FAM204A: variants seen among roughly 807,000 people sequenced by gnomAD.
FAM204A encodes the protein family with sequence similarity 204 member A, also known as protein FAM204A.
In FAM204A, 16 loss-of-function variants were observed where a neutral mutation model predicts 35.4. The ratio of observed to expected loss-of-function variants is 0.45; its 90% CI spans 0.31 to 0.69. The LOEUF is 0.69. Ranked by LOEUF, FAM204A falls within the 30% of genes least tolerant of loss-of-function variation. The pLI is 0.07. For synonymous variants in FAM204A, 76 were observed against 86.9 expected (o/e 0.88, Z 0.70); for missense variants, 240 against 265.7 (o/e 0.90, Z 0.67).
intron 1 of FAM204A, 147 bp from the exon 2 acceptor site, chr10:118,342,074 G>A (rs1369864249): frequency 6.6e-6 from 1 of 152,388 alleles, no homozygotes; most frequent in Non-Finnish European, 1.5e-5. Context: ...CCCTTTCGAG[G>A]AAGGCTGAGG....
intron 6 of FAM204A, among the ~76,000 whole-genome samples, chr10:118,326,789 C>A (rs1419716884): frequency 6.6e-6 from 1 of 152,122 alleles, no homozygotes; most frequent in African/African-American, 2.4e-5. Context: ...TTCTTACTGC[C>A]CATTCCTATA....
chr10:118,299,212 C>G lies in FAM204A; in HGVS notation c.*11645G>C, dbSNP rs1180892209. 6.6e-6 allele frequency: 1 copy of G among 152,102 alleles called. No individual in the cohort carries two copies. The highest frequency in any genetic ancestry group is 2.4e-5 in the African/African-American group (1 of 41,402). The allele number at this position is 152,102 out of a possible 1,614,324, so 9.4% of individuals were successfully genotyped here. A position where few individuals can be genotyped will look rare whatever the true frequency, so the allele number is the denominator to read the frequency against. On this transcript the variant is annotated 3_prime_UTR_variant, in exon 9 of 9. Transcript: ENST00000369183. ...TCAGAAAATCTATGGCTGAACTTTTCAGGTTCTTCCTTTGGGCAGTACTGC... is the reference window on the plus strand; with the variant it reads ...TCAGAAAATCTATGGCTGAACTTTTGAGGTTCTTCCTTTGGGCAGTACTGC...
In FAM204A at chr10:118,300,061, G is replaced by A. The variant is rs1346204666; in HGVS notation, c.*10796C>T. On this transcript the variant is annotated 3_prime_UTR_variant, in exon 9 of 9. Transcript: ENST00000369183. ...CAGCTTGCTGATTTGGGGGAGATGA[G>A]TGGGATGTGATTTCTTGGCCATCTT... The A allele has an allele frequency of 6.6e-6, 1 of 152,244 alleles. No individual in the cohort carries two copies. The highest frequency in any genetic ancestry group is 2.4e-5 in the African/African-American group (1 of 41,454). 9.4% of individuals were successfully genotyped at this position (152,244 alleles called of 1,614,324 possible). A position where few individuals can be genotyped will look rare whatever the true frequency, so the allele number is the denominator to read the frequency against.
chr10:118,314,642 C>A (rs966344649), intron 7 of FAM204A, among the ~76,000 whole-genome samples: 1 of 152,106 alleles, frequency 6.6e-6, no homozygotes, highest in Non-Finnish European at 1.5e-5. Context: ...CATCTTCATG[C>A]TCAATGTAAA....
chr10:118,302,135 A>G lies in FAM204A; in HGVS notation c.*8722T>C, dbSNP rs1248509700. 6.6e-6 allele frequency: 1 copy of G among 152,230 alleles called. No individual in the cohort carries two copies. Among genetic ancestry groups the G allele is most frequent in the East Asian group, 1.9e-4 (1 of 5,190 alleles). The allele number at this position is 152,230 out of a possible 1,614,324, so 9.4% of individuals were successfully genotyped here. On this transcript the variant is annotated 3_prime_UTR_variant, in exon 9 of 9. Coordinates refer to ENST00000369183, the MANE Select transcript of FAM204A (RefSeq NM_022063.3). ...GTCTGCTTATTATGTCTTTCCCTCT[A>G]GGATATGAGCCCCATGAAGATCCAG... is the stretch of plus-strand genomic sequence containing the variant.
intron 2 of FAM204A, among the ~76,000 whole-genome samples, chr10:118,337,977 G>A (rs1846415064): frequency 6.6e-6 from 1 of 152,098 alleles, no homozygotes; most frequent in Non-Finnish European, 1.5e-5. Context: ...TTGCTTCCTT[G>A]ATAGTCACAA....
intron 6 of FAM204A, among the ~76,000 whole-genome samples, chr10:118,331,135 C>T (rs992926817): frequency 6.6e-6 from 1 of 152,154 alleles, no homozygotes; most frequent in Non-Finnish European, 1.5e-5. Context: ...GACCCAAGTA[C>T]AAGACCCAAG....
intron 7 of FAM204A, among the ~76,000 whole-genome samples, chr10:118,318,533 A>C (rs1799624973): frequency 6.6e-6 from 1 of 152,072 alleles, no homozygotes; most frequent in Non-Finnish European, 1.5e-5. Context: ...TTAAGACAAC[A>C]GAAAAGATCT....
intron 6 of FAM204A, 194 bp from the exon 7 acceptor site, chr10:118,326,437 T>C (rs1846198623): frequency 1.9e-6 from 1 of 533,718 alleles, no homozygotes; most frequent in Non-Finnish European, 3.3e-6. Context: ...CCTGAGGTCA[T>C]GTAACTTCTT....
chr10:118,313,178 C>A (rs1266745675), intron 7 of FAM204A, among the ~76,000 whole-genome samples: 1 of 152,006 alleles, frequency 6.6e-6, no homozygotes, highest in Non-Finnish European at 1.5e-5. Context: ...CAAGTTAACA[C>A]CTATCAACTA....
At chr10:118,328,905 C>G (rs996863450) in intron 6 of FAM204A, among the ~76,000 whole-genome samples, 1 of 152,196 alleles carries the variant, frequency 6.6e-6, no homozygotes, top group Non-Finnish European at 1.5e-5. Flanking sequence ...CCCCAGTAAT[C>G]TACTCTGTCC....
At chr10:118,340,768 A>G (rs930151973) in intron 2 of FAM204A, among the ~76,000 whole-genome samples, 22 of 152,198 alleles carry the variant, frequency 1.4e-4, no homozygotes, top group Non-Finnish European at 2.5e-4. Flanking sequence ...TTGGTTTTCC[A>G]CTAATCTTCA....
chr10:118,312,459 G>C (rs1013538425), intron 7 of FAM204A, among the ~76,000 whole-genome samples: 1 of 152,160 alleles, frequency 6.6e-6, no homozygotes, highest in Admixed American at 6.5e-5. Flanking sequence ...AGCAAGGTTT[G>C]GCACGCTTGA....
At chr10:118,314,602 C>A (rs1178189562) in intron 7 of FAM204A, among the ~76,000 whole-genome samples, 2 of 152,128 alleles carry the variant, frequency 1.3e-5, no homozygotes, top group African/African-American at 4.8e-5. Flanking sequence ...CGAAAAGAAT[C>A]CCCCTTCCAC....
chr10:118,335,763 G>A, intron 3 of FAM204A, 122 bp from the exon 4 acceptor site: 1 of 749,024 alleles, frequency 1.3e-6, no homozygotes, highest in Non-Finnish European at 2.1e-6. Context: ...ATTTAATGAT[G>A]GTAGTCAGTT....
intron 6 of FAM204A, among the ~76,000 whole-genome samples, chr10:118,330,627 C>T (rs570622080): frequency 6.6e-6 from 1 of 152,294 alleles, no homozygotes; most frequent in African/African-American, 2.4e-5. Context: ...CTCTTTCTGA[C>T]AATTTATTTA....
intron 7 of FAM204A, among the ~76,000 whole-genome samples, chr10:118,314,195 C>CTTTCTTTATTG (rs1845995922): frequency 2.0e-5 from 3 of 152,156 alleles, no homozygotes; most frequent in Non-Finnish European, 2.9e-5. Context: ...TAATAAACAA[C>CTTTCTTTATTG]TAGGTACATA....
chr10:118,305,425 A>G lies in FAM204A; in HGVS notation c.*5432T>C, dbSNP rs1359213926. The G allele has an allele frequency of 6.6e-6, 1 of 152,096 alleles. No homozygotes were observed. The highest frequency in any genetic ancestry group is 1.5e-5 in the Non-Finnish European group (1 of 68,036). 9.4% of individuals were successfully genotyped at this position (152,096 alleles called of 1,614,324 possible). On this transcript the variant is annotated 3_prime_UTR_variant, in exon 9 of 9. Transcript: ENST00000369183. ...TGCATTCATTCCTGAGTCAAACCCC[A>G]CCAATGCTCCTCATCTCCAGGGGAG...
chr10:118,313,775 A>C (rs955858219), intron 7 of FAM204A, among the ~76,000 whole-genome samples: 1 of 152,240 alleles, frequency 6.6e-6, no homozygotes, highest in Non-Finnish European at 1.5e-5. Flanking sequence ...AGAAACAAAA[A>C]TGATCTGAAC....
Sources: gnomAD v4.1 joint callset for allele counts (sites outside exome capture counted in the v4.1 genomes callset) on GRCh38, gnomAD v4.1.1 for gene constraint, MANE v1.5 for transcripts, NCBI Gene and HGNC (gene_info 2026-07-23, HGNC 2026-07-21) for gene names.